CEP19: variants seen among roughly 807,000 people sequenced by gnomAD.
CEP19 encodes the protein centrosomal protein of 19 kDa.
Under a neutral mutation model 17.5 loss-of-function variants are expected in CEP19, and 14 were observed. The observed-to-expected ratio is 0.80, with a 90% CI of 0.53 to 1.25. The LOEUF (loss-of-function observed/expected upper bound fraction) is 1.25, where lower values mean the gene tolerates loss of function less well. Ranked by LOEUF, CEP19 falls within the 50% of genes most tolerant of loss-of-function variation. CEP19 has a pLI of 0.00. For missense variants in CEP19, 193 were observed against 192.0 expected, an observed-to-expected ratio of 1.01 and a Z score of -0.03; for synonymous variants, 59 against 65.5, an observed-to-expected ratio of 0.90 and a Z score of 0.48.
chr3:196,711,884 C>T (rs1173196501), intron 1 of CEP19, 45 bp downstream of exon 1: 2 of 717,266 alleles, frequency 2.8e-6, no homozygotes, highest in Admixed American at 2.0e-5. Context: ...GTAGACGATT[C>T]TCTCCCTACT....
Position 196,707,729 on chromosome 3 carries a change from A to C in CEP19, c.314T>G (p.Leu105Arg). 6.2e-7 allele frequency: 1 copy of C among 1,614,176 alleles called. No individual in the cohort carries two copies. Among genetic ancestry groups the C allele is most frequent in the Non-Finnish European group, 8.5e-7 (1 of 1,180,026 alleles). ...AAGCTCCTTGTCATCTAGTTTGTTC[A>C]GGTCTTCCTCAGGATCAATGGTTGT... is the stretch of plus-strand genomic sequence containing the variant. ...RETTIDPEEDLNKLDDKELAK... is the reference protein window; with the variant it reads ...RETTIDPEEDRNKLDDKELAK... The change falls in exon 3 of 3, where the codon CTG (leucine) becomes CGG (arginine). Residue 105 changes from leucine to arginine, a missense_variant. Leu to Arg is a moderately radical substitution (Grantham distance 102). Coordinates refer to ENST00000409690, the MANE Select transcript of CEP19 (RefSeq NM_032898.5).
chr3:196,707,405 G>T lies in CEP19; in HGVS notation c.*146C>A. 1.2e-6 allele frequency: 1 copy of T among 830,474 alleles called. No homozygotes were observed. Among genetic ancestry groups the T allele is most frequent in the Non-Finnish European group, 1.9e-6 (1 of 532,610 alleles). 51.4% of individuals were successfully genotyped at this position (830,474 alleles called of 1,614,324 possible). ...CTCCTCATGCACCTACATAGTAGAT[G>T]CTTTAAATGTCCTGGTTTTGAAAAG... On this transcript the variant is annotated 3_prime_UTR_variant, in exon 3 of 3. Transcript: ENST00000409690.
In CEP19 at chr3:196,706,626, A is replaced by AT. The variant is rs1711526650; in HGVS notation, c.*924_*925insA. 6.6e-6 allele frequency: 1 copy of AT among 152,074 alleles called. No homozygotes were observed. The highest frequency in any genetic ancestry group is 6.6e-5 in the Admixed American group (1 of 15,256). The allele number at this position is 152,074 out of a possible 1,614,324, so 9.4% of individuals were successfully genotyped here. A position where few individuals can be genotyped will look rare whatever the true frequency, so the allele number is the denominator to read the frequency against. On this transcript the variant is annotated 3_prime_UTR_variant, in exon 3 of 3. Coordinates refer to ENST00000409690, the MANE Select transcript of CEP19 (RefSeq NM_032898.5). ...GCAGCTGTAGGGAATTTTGCAGGGTACTCTTTTCCAGAGATAAATAATATA... is the reference window on the plus strand; with the variant it reads ...GCAGCTGTAGGGAATTTTGCAGGGTATCTCTTTTCCAGAGATAAATAATATA...
intron 2 of CEP19, among the ~76,000 whole-genome samples, chr3:196,708,169 T>C (rs1027909326): frequency 2.0e-5 from 3 of 152,174 alleles, no homozygotes; most frequent in African/African-American, 4.8e-5. Flanking sequence ...TGTAGAGATA[T>C]TAAACACTTT....
rs67479689 is a variant in CEP19 at position 196,707,493 on chromosome 3, AGTCTG to A, written c.*53_*57del. ...ATTCTTTACAGCTTCTTCCAGAACC[AGTCTG>A]GTAATAAACATGGATATTCTGCTAG... On this transcript the variant is annotated 3_prime_UTR_variant, in exon 3 of 3. Coordinates refer to ENST00000409690, the MANE Select transcript of CEP19 (RefSeq NM_032898.5). The A allele has an allele frequency of 0.17, 253,710 of 1,518,120 alleles. 22,575 individuals carry two copies. The highest frequency in any genetic ancestry group is 0.18 in the Non-Finnish European group (204,674 of 1,132,838). 94.0% of individuals were successfully genotyped at this position (1,518,120 alleles called of 1,614,324 possible).
At chr3:196,709,709 A>C (rs1037009928) in intron 1 of CEP19, among the ~76,000 whole-genome samples, 9 of 152,220 alleles carry the variant, frequency 5.9e-5, no homozygotes, top group African/African-American at 2.2e-4. Flanking sequence ...TCTAGCTACA[A>C]GAAACAGCTA....
rs1485289912 is a variant in CEP19 at position 196,707,311 on chromosome 3, G to A, written c.*240C>T. 4.0e-5 allele frequency: 19 copies of A among 477,352 alleles called. No homozygotes were observed. The highest frequency in any genetic ancestry group is 5.5e-5 in the Non-Finnish European group (15 of 272,734). The allele number at this position is 477,352 out of a possible 1,614,324, so 29.6% of individuals were successfully genotyped here. ...CTCCCAAAGTGCTGGGATTACAGGC[G>A]TGAGCCACCGCACCCGGCATGATTG... On this transcript the variant is annotated 3_prime_UTR_variant, in exon 3 of 3. Transcript: ENST00000409690.
rs960908426 is a variant in CEP19 at position 196,708,525 on chromosome 3, T to A, written c.130+3A>T. On this transcript the variant is annotated splice_donor_region_variant and intron_variant, in intron 2 of 2. Transcript: ENST00000409690. ...ACAGGAGGCAAGATAAGACATGAGG[T>A]ACCTGAAAACTTTGAAAAGTTTCGA... The A allele has an allele frequency of 6.2e-7, 1 of 1,613,900 alleles. No homozygotes were observed. Among genetic ancestry groups the A allele is most frequent in the African/African-American group, 1.3e-5 (1 of 75,032 alleles).
chr3:196,710,333 C>G (rs1711698381), intron 1 of CEP19, among the ~76,000 whole-genome samples: 1 of 152,152 alleles, frequency 6.6e-6, no homozygotes, highest in Non-Finnish European at 1.5e-5. Flanking sequence ...CATTTGAGGT[C>G]AGGAGTTCGA....
intron 1 of CEP19, among the ~76,000 whole-genome samples, chr3:196,710,078 A>G (rs1007199981): frequency 9.9e-5 from 15 of 152,228 alleles, no homozygotes; most frequent in African/African-American, 3.6e-4. Context: ...ATACCTTATC[A>G]TACAAGCTAT....
rs1281662677 is a variant in CEP19, at chr3:196,706,833, C to T, written c.*718G>A. 6.6e-6 allele frequency: 1 copy of T among 152,128 alleles called. No homozygotes were observed. Among genetic ancestry groups the T allele is most frequent in the Non-Finnish European group, 1.5e-5 (1 of 68,042 alleles). 9.4% of individuals were successfully genotyped at this position (152,128 alleles called of 1,614,324 possible). A position where few individuals can be genotyped will look rare whatever the true frequency, so the allele number is the denominator to read the frequency against. ...AATCCTACACAAGCATCTACCTAAA[C>T]ACTACTATTTCAAGGGCCAGGCCAC... On this transcript the variant is annotated 3_prime_UTR_variant, in exon 3 of 3. Coordinates refer to ENST00000409690, the MANE Select transcript of CEP19 (RefSeq NM_032898.5).
At chr3:196,710,864 AAAAAC>A (rs1253275502) in intron 1 of CEP19, among the ~76,000 whole-genome samples, 2 of 149,450 alleles carry the variant, frequency 1.3e-5, no homozygotes, top group Non-Finnish European at 1.5e-5. Flanking sequence ...AAAAAAAAAA[AAAAAC>A]TACTTTAAAA....
intron 1 of CEP19, among the ~76,000 whole-genome samples, chr3:196,710,954 CTT>C (rs760516872): frequency 3.2e-4 from 35 of 110,344 alleles, no homozygotes; most frequent in Admixed American, 3.9e-4. Flanking sequence ...TCTTTTCTTG[CTT>C]TTTTTTTTTT....
chr3:196,708,941 G>C (rs1284045906), intron 1 of CEP19: 1 of 337,978 alleles, frequency 3.0e-6, no homozygotes, highest in Non-Finnish European at 5.4e-6. Flanking sequence ...TCCAATTGTG[G>C]GGTATGTGCG....
At chr3:196,711,843 C>A in intron 1 of CEP19, 86 bp downstream of exon 1, 2 of 711,888 alleles carry the variant, frequency 2.8e-6, no homozygotes, top group African/African-American at 1.7e-5. Context: ...GGAAGCCCCA[C>A]AGCACCTAAG....
intron 1 of CEP19, 161 bp from the exon 2 acceptor site, chr3:196,708,888 T>C (rs1711638411): frequency 2.0e-6 from 1 of 511,810 alleles, no homozygotes; most frequent in Non-Finnish European, 3.5e-6. Flanking sequence ...TGAATTTGTG[T>C]GTCATCCTTG....
At position 196,707,786 on chromosome 3, in the gene CEP19, A is replaced by G. The variant is rs1173472875; in HGVS notation, c.257T>C (p.Leu86Pro). The G allele has an allele frequency of 6.2e-7, 1 of 1,614,170 alleles. No homozygotes were observed. Among genetic ancestry groups the G allele is most frequent in the Non-Finnish European group, 8.5e-7 (1 of 1,180,038 alleles). ...TTGAATTTGTTCCATTGTTTCTGCC[A>G]GACTCTGCCCCGACAAGTAACCTCG... ...FLRGYLSGQS[L>P]AETMEQIQRE... Residue 86 changes from leucine (L) to proline (P), a missense_variant, in exon 3 of 3, where the codon CTG (leucine) becomes CCG (proline). Transcript: ENST00000409690.
At position 196,707,315 on chromosome 3, in the gene CEP19, G is replaced by A; in HGVS notation, c.*236C>T. ...CAAAGTGCTGGGATTACAGGCGTGA[G>A]CCACCGCACCCGGCATGATTGTAAG... On this transcript the variant is annotated 3_prime_UTR_variant, in exon 3 of 3. Transcript: ENST00000409690. 1 of 492,834 alleles carries A rather than the reference G, an allele frequency of 2.0e-6. No homozygotes were observed. The highest frequency in any genetic ancestry group is 3.9e-5 in the Admixed American group (1 of 25,866). 30.5% of individuals were successfully genotyped at this position (492,834 alleles called of 1,614,324 possible).
chr3:196,707,784 C>T lies in CEP19; in HGVS notation c.259G>A (p.Ala87Thr), dbSNP rs1262846098. 6.2e-7 allele frequency: 1 copy of T among 1,614,134 alleles called. No individual in the cohort carries two copies. The highest frequency in any genetic ancestry group is 1.1e-5 in the South Asian group (1 of 91,080). The change falls in exon 3 of 3, where the codon GCA (alanine) becomes ACA (threonine). Residue 87 changes from alanine to threonine, a missense_variant. Physicochemically the swap from Ala to Thr is moderately conservative, Grantham distance 58 (BLOSUM62 0). Transcript: ENST00000409690. ...CGTTGAATTTGTTCCATTGTTTCTG[C>T]CAGACTCTGCCCCGACAAGTAACCT... ...LRGYLSGQSL[A>T]ETMEQIQRET...
Sources: allele counts gnomAD v4.1 joint callset (sites outside exome capture counted in the v4.1 genomes callset), GRCh38; gene constraint gnomAD v4.1.1; transcripts MANE v1.5; gene names NCBI Gene and HGNC (gene_info 2026-07-23, HGNC 2026-07-21).